The following GABRB1 variants were observed in gnomAD, a reference collection of about 807,000 sequenced individuals.
The protein encoded by GABRB1 is gamma-aminobutyric acid receptor subunit beta-1.
A neutral mutation model predicts 51.6 loss-of-function variants in GABRB1; 17 were observed. The observed-to-expected ratio is 0.33, with a 90% CI of 0.23 to 0.49. The LOEUF (loss-of-function observed/expected upper bound fraction) is 0.49. Ranked by LOEUF, GABRB1 falls within the 20% of genes least tolerant of loss-of-function variation. GABRB1 has a pLI of 0.99. For missense variants in GABRB1, 410 were observed against 600.6 expected (o/e 0.68, Z 3.32); for synonymous variants, 247 against 218.9 (o/e 1.13, Z -1.14).
intron 4 of GABRB1, among the ~76,000 whole-genome samples, chr4:47,243,258 TA>T (rs1184634627): frequency 1.3e-5 from 2 of 152,170 alleles, no homozygotes; most frequent in East Asian, 3.9e-4. Flanking sequence ...TCTGTTTTGG[TA>T]AAAAGTACCA....
chr4:47,117,220 T>G (rs1304961025), intron 3 of GABRB1, among the ~76,000 whole-genome samples: 2 of 152,192 alleles, frequency 1.3e-5, no homozygotes, highest in African/African-American at 4.8e-5. Context: ...GTCCTCTGAA[T>G]TTTTAGAAAA....
At chr4:47,137,555 G>C (rs191053095) in intron 3 of GABRB1, among the ~76,000 whole-genome samples, 1 of 152,174 alleles carries the variant, frequency 6.6e-6, no homozygotes, top group Admixed American at 6.5e-5. Context: ...AAGTAACCAA[G>C]AAGATAATTT....
At chr4:47,150,397 TAGA>T in intron 3 of GABRB1, among the ~76,000 whole-genome samples, 1 of 148,708 alleles carries the variant, frequency 6.7e-6, no homozygotes, top group African/African-American at 2.5e-5. Context: ...GAGAGAGATG[TAGA>T]AGAGATTCGT....
chr4:47,110,278 T>TA lies in GABRB1; in HGVS notation c.241-50962dup, dbSNP rs199851246. ...TCTTCAATGTCTCCCTTAAGAAGAT[T>TA]AAAAAAAAATACAAATCTCAAGAGG... On this transcript the variant is annotated intron_variant, in intron 3 of 8. Transcript: ENST00000295454. Among the ~76,000 whole-genome samples, 678 of 151,292 alleles carry TA rather than the reference T, an allele frequency of 4.5e-3. 5 individuals carry two copies. Among genetic ancestry groups the TA allele is most frequent in the African/African-American group, 0.015 (636 of 41,310 alleles).
intron 5 of GABRB1, among the ~76,000 whole-genome samples, chr4:47,390,819 A>G (rs1336591450): frequency 6.6e-6 from 1 of 152,234 alleles, no homozygotes; most frequent in Non-Finnish European, 1.5e-5. Flanking sequence ...TTTCAAAGCC[A>G]GTATTCTTTC....
intron 1 of GABRB1, among the ~76,000 whole-genome samples, chr4:47,008,535 TC>T (rs533936431): frequency 1.6e-3 from 239 of 151,608 alleles, no homozygotes; most frequent in Non-Finnish European, 6.8e-4. Context: ...TGATCTTGGC[TC>T]ACTGCAACCT....
chr4:46,996,373 T>A (rs1723998477), intron 1 of GABRB1, among the ~76,000 whole-genome samples: 1 of 152,164 alleles, frequency 6.6e-6, no homozygotes, highest in Non-Finnish European at 1.5e-5. Flanking sequence ...ATTTTATAAA[T>A]TTAACAAATG....
At chr4:47,246,372 ATATATATATATATATATATATAT>A (rs1560295768) in intron 4 of GABRB1, among the ~76,000 whole-genome samples, 14 of 50,130 alleles carry the variant, frequency 2.8e-4, no homozygotes, top group African/African-American at 1.1e-3. Flanking sequence ...ATATATATAT[ATATATATATATATATATATATAT>A]AAAATACCAC....
chr4:47,358,722 T>C (rs1726683743), intron 5 of GABRB1, among the ~76,000 whole-genome samples: 2 of 152,098 alleles, frequency 1.3e-5, no homozygotes, highest in Non-Finnish European at 2.9e-5. Context: ...AAGTTAGAAC[T>C]CCAACATATG....
chr4:47,385,501 A>G (rs1727761490), intron 5 of GABRB1, among the ~76,000 whole-genome samples: 1 of 152,252 alleles, frequency 6.6e-6, no homozygotes. Context: ...GACCACAGGT[A>G]TCTAAGAGAA....
chr4:47,384,111 A>AT (rs1300632827), intron 5 of GABRB1, among the ~76,000 whole-genome samples: 1 of 152,106 alleles, frequency 6.6e-6, no homozygotes, highest in Non-Finnish European at 1.5e-5. Flanking sequence ...ATCAGGTTTT[A>AT]TTTTTTAAAT....
intron 3 of GABRB1, among the ~76,000 whole-genome samples, chr4:47,074,483 C>T (rs1475223534): frequency 6.6e-6 from 1 of 152,136 alleles, no homozygotes; most frequent in African/African-American, 2.4e-5. Flanking sequence ...ACATTTTAAT[C>T]TATAAAATGG....
At chr4:47,051,384 G>C (rs1032441366) in intron 3 of GABRB1, among the ~76,000 whole-genome samples, 1 of 152,124 alleles carries the variant, frequency 6.6e-6, no homozygotes, top group African/African-American at 2.4e-5. Flanking sequence ...AGGCAGATTG[G>C]AGACAAATAA....
At chr4:47,334,067 G>T (rs919389909) in intron 5 of GABRB1, among the ~76,000 whole-genome samples, 6 of 152,176 alleles carry the variant, frequency 3.9e-5, no homozygotes, top group African/African-American at 1.4e-4. Context: ...GATGCACCTT[G>T]CAGTGCTTGT....
chr4:47,371,658 T>C (rs762362564), intron 5 of GABRB1, among the ~76,000 whole-genome samples: 24 of 152,226 alleles, frequency 1.6e-4, no homozygotes, highest in Non-Finnish European at 2.9e-4. Flanking sequence ...TATCTCGTTG[T>C]GGTTTTGATG....
intron 4 of GABRB1, among the ~76,000 whole-genome samples, chr4:47,303,620 T>C (rs185773401): frequency 1.1e-4 from 16 of 152,142 alleles, no homozygotes; most frequent in African/African-American, 3.6e-4. Flanking sequence ...TTTTTATCAT[T>C]TATTTTTAAC....
intron 3 of GABRB1, among the ~76,000 whole-genome samples, chr4:47,067,160 T>C (rs1384098532): frequency 1.3e-5 from 2 of 152,226 alleles, no homozygotes; most frequent in Non-Finnish European, 2.9e-5. Flanking sequence ...ATCTTAACAA[T>C]GTGCTTACTA....
At chr4:47,003,910 T>C (rs577618285) in intron 1 of GABRB1, among the ~76,000 whole-genome samples, 2 of 152,360 alleles carry the variant, frequency 1.3e-5, no homozygotes, top group African/African-American at 4.8e-5. Flanking sequence ...CCCACACATA[T>C]TTACAGGCAA....
intron 4 of GABRB1, among the ~76,000 whole-genome samples, chr4:47,235,531 G>A (rs943699535): frequency 3.3e-5 from 5 of 150,116 alleles, no homozygotes; most frequent in African/African-American, 1.2e-4. Flanking sequence ...CCTGGTGACA[G>A]AGTGAGACTG....
Sources: gnomAD v4.1 joint callset for allele counts (sites outside exome capture counted in the v4.1 genomes callset) on GRCh38, gnomAD v4.1.1 for gene constraint, MANE v1.5 for transcripts, NCBI Gene and HGNC (gene_info 2026-07-23, HGNC 2026-07-21) for gene names.